COL4A2: variants seen among roughly 807,000 people sequenced by gnomAD.
The protein encoded by COL4A2 is collagen type IV alpha 2 chain.
Under a neutral mutation model 200.2 loss-of-function variants are expected in COL4A2, and 99 were observed. The ratio of observed to expected loss-of-function variants is 0.49; its 90% confidence interval spans 0.42 to 0.58. The LOEUF (loss-of-function observed/expected upper bound fraction) is 0.58. COL4A2 is among the 20% of genes least tolerant of loss of function. The probability of loss-of-function intolerance (pLI) is 0.00; values close to 1 mark genes in which losing one functional copy is unlikely to be tolerated. For synonymous variants in COL4A2, 897 were observed against 900.6 expected (o/e 1.00, Z 0.07); for missense variants, 1,950 against 2,314.1 (o/e 0.84, Z 3.23).
At chr13:110,416,599 T>A (rs926223742) in intron 4 of COL4A2, among the ~76,000 whole-genome samples, 2 of 152,204 alleles carry the variant, frequency 1.3e-5, no homozygotes, top group African/African-American at 4.8e-5. Context: ...ATTTTTAGAA[T>A]AAGGAGCAGG....
chr13:110,458,303 G>T (rs930117690), intron 21 of COL4A2: 1 of 368,702 alleles, frequency 2.7e-6, no homozygotes, highest in East Asian at 8.2e-5. Flanking sequence ...CAAAACAGAG[G>T]AAGAGAGGTC....
At chr13:110,471,246 G>T (rs56170014) in intron 28 of COL4A2, among the ~76,000 whole-genome samples, 11,578 of 152,282 alleles carry the variant, frequency 0.076, 575 homozygotes, top group African/African-American at 0.14. Context: ...TCCCCTGTAG[G>T]GGGGAATGGA....
chr13:110,447,338 G>C (rs1051824169), intron 18 of COL4A2, among the ~76,000 whole-genome samples: 10 of 152,112 alleles, frequency 6.6e-5, no homozygotes, highest in African/African-American at 2.2e-4. Context: ...ATGCTTTCAG[G>C]CTTCAAGGCA....
chr13:110,508,310 C>A lies in COL4A2; in HGVS notation c.4881+89C>A. On this transcript the variant is annotated intron_variant, in intron 47 of 47. Transcript: ENST00000360467. The surrounding 1 kb of genome is among the most constrained non-coding windows in gnomAD (Gnocchi z 6.1). ...CTGCCTTTGTGAGAAGAATCAGACA[C>A]GGCAGTCCAGGGTGTGCACTGCACA... 6.4e-7 allele frequency: 1 copy of A among 1,564,442 alleles called. No homozygotes were observed. Among genetic ancestry groups the A allele is most frequent in the Non-Finnish European group, 8.7e-7 (1 of 1,150,620 alleles).
chr13:110,458,707 C>T, intron 21 of COL4A2, 64 bp from the exon 22 acceptor site: 1 of 1,601,284 alleles, frequency 6.2e-7, no homozygotes, highest in Non-Finnish European at 8.5e-7. Flanking sequence ...CTGCCTGATA[C>T]CCCTCTCCCC....
intron 4 of COL4A2, among the ~76,000 whole-genome samples, chr13:110,377,759 A>C (rs183360413): frequency 6.1e-4 from 93 of 152,384 alleles, no homozygotes; most frequent in African/African-American, 2.1e-3. Context: ...ATAGAAAAAC[A>C]TGTTAAAGAA....
intron 4 of COL4A2, among the ~76,000 whole-genome samples, chr13:110,396,289 G>A (rs917204581): frequency 3.9e-5 from 6 of 152,178 alleles, no homozygotes; most frequent in Admixed American, 6.5e-5. Flanking sequence ...ACTGAATCTC[G>A]CAGATTGAGA....
At chr13:110,440,005 G>C (rs552832854) in intron 16 of COL4A2, among the ~76,000 whole-genome samples, 172 bp downstream of exon 16, 109 of 152,296 alleles carry the variant, frequency 7.2e-4, no homozygotes, top group African/African-American at 2.6e-3. Flanking sequence ...ACTTGAACCG[G>C]GTCATTACCT....
intron 3 of COL4A2, among the ~76,000 whole-genome samples, chr13:110,329,390 T>TA: frequency 6.6e-6 from 1 of 152,196 alleles, no homozygotes; most frequent in Non-Finnish European, 1.5e-5. Context: ...AGAAGGAAGA[T>TA]AGAGCCAGCC....
At chr13:110,477,890 G>A in intron 29 of COL4A2, 113 bp from the exon 30 acceptor site, 3 of 1,098,126 alleles carry the variant, frequency 2.7e-6, no homozygotes, top group Non-Finnish European at 1.2e-6. Flanking sequence ...ATTCTCTAGA[G>A]TCCAGAAAAG....
intron 3 of COL4A2, among the ~76,000 whole-genome samples, chr13:110,352,930 A>G (rs1050932064): frequency 8.5e-5 from 13 of 152,116 alleles, no homozygotes; most frequent in Admixed American, 1.3e-4. Flanking sequence ...ATCACGTTCC[A>G]CACCTGCAGT....
chr13:110,418,548 G>T (rs895128870), intron 4 of COL4A2, among the ~76,000 whole-genome samples: 4 of 152,210 alleles, frequency 2.6e-5, no homozygotes, highest in African/African-American at 9.7e-5. Context: ...AAAGGTGAAG[G>T]TGTGTTTCTT....
chr13:110,396,962 T>G (rs752011919), intron 4 of COL4A2, among the ~76,000 whole-genome samples: 3 of 152,234 alleles, frequency 2.0e-5, no homozygotes, highest in Non-Finnish European at 2.9e-5. Context: ...GAGCACTGAA[T>G]TCCACAAGGC....
chr13:110,386,961 C>T (rs903751373), intron 4 of COL4A2, among the ~76,000 whole-genome samples: 4 of 152,148 alleles, frequency 2.6e-5, no homozygotes, highest in Non-Finnish European at 5.9e-5. Flanking sequence ...CGACTGAGGC[C>T]GGGCACGGTG....
At position 110,501,711 on chromosome 13, in the gene COL4A2, T is replaced by A. The variant is rs439831; in HGVS notation, c.3804T>A (p.Pro1268=). ...GGAGCCCAGGACTTCAGGGGTTCCCTGGTATCACACCCCCTTCCAACATCT... is the reference window on the plus strand; with the variant it reads ...GGAGCCCAGGACTTCAGGGGTTCCCAGGTATCACACCCCCTTCCAACATCT... ...PPGSPGLQGF[P]GITPPSNISG... The change falls in exon 41 of 48, where the codon CCT becomes CCA. Residue 1268 remains proline, a synonymous_variant. Coordinates refer to ENST00000360467, the MANE Select transcript of COL4A2 (RefSeq NM_001846.4). 1,596,984 of 1,613,550 alleles carry A rather than the reference T, an allele frequency of 0.99. 791,521 individuals carry two copies. Among genetic ancestry groups the A allele is most frequent in the East Asian group, 1 (44,880 of 44,880 alleles).
Position 110,485,639 on chromosome 13 carries a change from C to T in COL4A2, c.3026-16C>T. 6.3e-7 allele frequency: 1 copy of T among 1,586,136 alleles called. No homozygotes were observed. The highest frequency in any genetic ancestry group is 8.6e-7 in the Non-Finnish European group (1 of 1,168,338). The stretch of plus-strand genomic sequence containing the variant: ...GCGTCCTCACCAGAGTGTTACACAC[C>T]AGGGTCTTCCTGCAGGTATCCAAGG... On this transcript the variant is annotated splice_polypyrimidine_tract_variant and intron_variant, in intron 33 of 47. Coordinates refer to ENST00000360467, the MANE Select transcript of COL4A2 (RefSeq NM_001846.4).
chr13:110,472,035 A>G (rs557268018), intron 28 of COL4A2, among the ~76,000 whole-genome samples: 14 of 152,038 alleles, frequency 9.2e-5, no homozygotes, highest in African/African-American at 3.4e-4. Flanking sequence ...AGATCATTTT[A>G]TCCAGTGGCA....
intron 4 of COL4A2, among the ~76,000 whole-genome samples, chr13:110,389,143 T>G (rs1304854725): frequency 6.6e-6 from 1 of 152,142 alleles, no homozygotes; most frequent in African/African-American, 2.4e-5. Context: ...ATCAGCTTCT[T>G]CAAGGAGACC....
chr13:110,488,700 T>C (rs1883188418), intron 34 of COL4A2, among the ~76,000 whole-genome samples: 1 of 152,210 alleles, frequency 6.6e-6, no homozygotes, highest in Admixed American at 6.5e-5. Flanking sequence ...TCAGTTCCTT[T>C]GCCTGTCATT....
Sources: gnomAD v4.1 joint callset for allele counts (sites outside exome capture counted in the v4.1 genomes callset) on GRCh38, gnomAD v4.1.1 for gene constraint, Gnocchi (gnomAD v3.1) non-coding constraint, MANE v1.5 for transcripts, NCBI Gene and HGNC (gene_info 2026-07-23, HGNC 2026-07-21) for gene names.